Variants in VAV1 observed in about 807,000 individuals in gnomAD.
VAV1 encodes vav guanine nucleotide exchange factor 1, also known as proto-oncogene vav.
In VAV1, 33 loss-of-function variants were observed where a neutral mutation model predicts 128.1. The observed-to-expected ratio is 0.26, with a 90% CI of 0.20 to 0.34. The LOEUF is 0.34. Among genes scored for constraint, VAV1 ranks in the 10% least tolerant of loss-of-function variants. The probability of loss-of-function intolerance (pLI) is 1.00; values close to 1 mark genes in which losing one functional copy is unlikely to be tolerated. For missense variants in VAV1, 715 were observed against 1,093.7 expected (o/e 0.65, Z 4.88); for synonymous variants, 394 against 409.8 (o/e 0.96, Z 0.47).
intron 1 of VAV1, among the ~76,000 whole-genome samples, chr19:6,788,192 C>T (rs953553195): frequency 6.6e-6 from 1 of 151,936 alleles, no homozygotes; most frequent in Non-Finnish European, 1.5e-5. Context: ...CCTCAGCCTC[C>T]CAAAGCTCTT....
chr19:6,832,544 CTT>C (rs1972089785), intron 15 of VAV1, among the ~76,000 whole-genome samples: 3 of 128,624 alleles, frequency 2.3e-5, no homozygotes, highest in African/African-American at 1.0e-4. Flanking sequence ...CCTTCCTCTT[CTT>C]CTTCCTCCTC....
In VAV1 at chr19:6,825,414, C is replaced by A; in HGVS notation, c.827+8C>A. 1 of 1,607,642 alleles carries A rather than the reference C, an allele frequency of 6.2e-7. No individual in the cohort carries two copies. The highest frequency in any genetic ancestry group is 1.1e-5 in the South Asian group (1 of 90,694). On this transcript the variant is annotated splice_region_variant and intron_variant, in intron 8 of 26. Coordinates refer to ENST00000602142, the MANE Select transcript of VAV1 (RefSeq NM_005428.4). Reference sequence around the variant, plus strand: ...CATCAAATACAAGGAGAGGTGAGACCCAGCTGGCCAGACTGAAGCTCTGGG... The same window carrying A: ...CATCAAATACAAGGAGAGGTGAGACACAGCTGGCCAGACTGAAGCTCTGGG...
intron 1 of VAV1, among the ~76,000 whole-genome samples, chr19:6,802,416 C>T (rs1334467235): frequency 6.6e-6 from 1 of 152,108 alleles, no homozygotes; most frequent in Non-Finnish European, 1.5e-5. Context: ...ACCAGGAAGT[C>T]CTTTCTGGTG....
intron 26 of VAV1, among the ~76,000 whole-genome samples, chr19:6,854,345 T>C (rs1599687170): frequency 6.6e-6 from 1 of 152,290 alleles, no homozygotes; most frequent in South Asian, 2.1e-4. Context: ...GGTACAAGGA[T>C]TGCCCTCATG....
intron 1 of VAV1, among the ~76,000 whole-genome samples, chr19:6,818,562 GT>G (rs1971712821): frequency 6.6e-6 from 1 of 152,092 alleles, no homozygotes; most frequent in Non-Finnish European, 1.5e-5. Context: ...GTTGAACTGT[GT>G]CCCCCCAAAA....
intron 1 of VAV1, among the ~76,000 whole-genome samples, chr19:6,798,646 CTGTTTCTCCCCTT>C (rs1378887754): frequency 1.3e-5 from 2 of 150,784 alleles, no homozygotes; most frequent in African/African-American, 5.0e-5. Context: ...GAGTGAGACC[CTGTTTCTCCCCTT>C]CCCCCCCCCA....
chr19:6,791,249 C>G (rs58826700), intron 1 of VAV1, among the ~76,000 whole-genome samples: 1 of 151,876 alleles, frequency 6.6e-6, no homozygotes, highest in Non-Finnish European at 1.5e-5. Flanking sequence ...CTCCTCATCT[C>G]GAGGTCCTCA....
Position 6,828,427 on chromosome 19 carries a change from G to T in VAV1, c.1032G>T (p.Val344=). 1 of 1,614,188 alleles carries T rather than the reference G, an allele frequency of 6.2e-7. No individual in the cohort carries two copies. Among genetic ancestry groups the T allele is most frequent in the Non-Finnish European group, 8.5e-7 (1 of 1,180,034 alleles). The part of the protein sequence containing the change: ...LKYHLLLQEL[V]KHTQEAMEKE... ...CGTCTTGGTTCTCTCAGGAGCTGGTGAAACACACGCAGGAGGCGATGGAGA... is the reference window on the plus strand; with the variant it reads ...CGTCTTGGTTCTCTCAGGAGCTGGTTAAACACACGCAGGAGGCGATGGAGA... The change falls in exon 11 of 27, where the codon GTG becomes GTT. Residue 344 remains valine, a synonymous_variant. Transcript: ENST00000602142. This position sits in a 1 kb window ranked among gnomAD's most constrained non-coding sequence, Gnocchi z 4.5.
chr19:6,798,046 G>T (rs954544800), intron 1 of VAV1, among the ~76,000 whole-genome samples: 8 of 152,146 alleles, frequency 5.3e-5, no homozygotes, highest in African/African-American at 1.9e-4. Flanking sequence ...GGAGGCCGAG[G>T]TGGGCAAATC....
Position 6,833,935 on chromosome 19 carries a change from A to C in VAV1, c.1759A>C (p.Lys587Gln). 6 of 1,614,052 alleles carry C rather than the reference A, an allele frequency of 3.7e-6. No individual in the cohort carries two copies. The highest frequency in any genetic ancestry group is 5.1e-6 in the Non-Finnish European group (6 of 1,180,002). ...CAAACTACATCGCAGGGCTCAGGAC[A>C]AAAAGAGGAATGAGCTGGGTGAGTT... Reference protein sequence around the residue: ...KDKLHRRAQDKKRNELGLPKM... With the variant: ...KDKLHRRAQDQKRNELGLPKM... The change falls in exon 19 of 27, where the codon AAA becomes CAA. Residue 587 changes from lysine (K) to glutamine (Q), a missense_variant. Around this residue, in one of 3 missense-constraint regions of VAV1, gnomAD observed 407 missense variants for 580.6 expected, o/e 0.70. Coordinates refer to ENST00000602142, the MANE Select transcript of VAV1 (RefSeq NM_005428.4).
rs1971974950 is a variant in VAV1, at chr19:6,828,561, G to A, written c.1093-61G>A. The stretch of plus-strand genomic sequence containing the variant: ...TGGTAGGGGCTGATCCTCTAGCCGG[G>A]ATTAGGTAGGAGCCTGGGTCGGCTG... On this transcript the variant is annotated intron_variant, in intron 11 of 26. Transcript: ENST00000602142. The surrounding 1 kb of genome is among the most constrained non-coding windows in gnomAD (Gnocchi z 4.5). The A allele has an allele frequency of 2.5e-6, 4 of 1,613,730 alleles. No individual in the cohort carries two copies. The highest frequency in any genetic ancestry group is 3.4e-6 in the Non-Finnish European group (4 of 1,179,668).
rs1970941854 is a variant in VAV1, at chr19:6,788,354, TTA to T, written c.204+15345_204+15346del. ...GTTGAACATGATTCTTTTTATTTTA[TTA>T]TTATTATTATTATTATTATTATTAT... On this transcript the variant is annotated intron_variant, in intron 1 of 26. Transcript: ENST00000602142. Among the ~76,000 whole-genome samples, 19 of 3,412 alleles carry T rather than the reference TTA, an allele frequency of 5.6e-3. No homozygotes were observed. In the East Asian group the frequency reaches 0.3, roughly 54 times the overall value. The allele number at this position is 3,412 out of a possible 152,430, so 2.2% of individuals were successfully genotyped here.
Position 6,822,484 on chromosome 19 carries a change from G to A in VAV1, c.624G>A (p.Lys208=), listed in dbSNP as rs748566978. ...GGGAGATCCAGCAGACGGAGGAGAA[G>A]TACACTGACACGCTGGGCTCCATCC... ...CLREIQQTEE[K]YTDTLGSIQQ... is the part of the protein sequence containing the mutation. The change falls in exon 6 of 27, where the codon AAG becomes AAA. Residue 208 remains lysine, a synonymous_variant. Transcript: ENST00000602142. The surrounding 1 kb of genome is among the most constrained non-coding windows in gnomAD (Gnocchi z 5.9). 37 of 1,556,356 alleles carry A rather than the reference G, an allele frequency of 2.4e-5. No homozygotes were observed. In the Middle Eastern group the frequency reaches 5.6e-4, roughly 24 times the overall value.
intron 1 of VAV1, among the ~76,000 whole-genome samples, chr19:6,815,526 T>A (rs415218): frequency 0.025 from 3,875 of 152,286 alleles, 74 homozygotes; most frequent in Non-Finnish European, 0.041. Flanking sequence ...AGAGTTAAAG[T>A]TCATGTTCCA....
At chr19:6,852,462 CT>C (rs1163244253) in intron 24 of VAV1, among the ~76,000 whole-genome samples, 1 of 152,232 alleles carries the variant, frequency 6.6e-6, no homozygotes, top group East Asian at 1.9e-4. Flanking sequence ...TGGCTCACGC[CT>C]GTAATCCCAG....
intron 1 of VAV1, among the ~76,000 whole-genome samples, chr19:6,798,781 G>A (rs1425997432): frequency 6.6e-6 from 1 of 152,136 alleles, no homozygotes; most frequent in Non-Finnish European, 1.5e-5. Flanking sequence ...GAGTAGCTGG[G>A]ATTACAGGTG....
intron 1 of VAV1, among the ~76,000 whole-genome samples, chr19:6,819,549 T>C (rs1971738437): frequency 6.6e-6 from 1 of 152,230 alleles, no homozygotes; most frequent in South Asian, 2.1e-4. Context: ...TTTTGCTCCT[T>C]TTTTATGGCT....
chr19:6,847,957 A>T (rs762902858), intron 22 of VAV1, 41 bp from the exon 23 acceptor site: 120 of 1,443,336 alleles, frequency 8.3e-5, no homozygotes, highest in Non-Finnish European at 1.0e-4. Flanking sequence ...GGACCCAGGC[A>T]CGGGGACCGT....
At chr19:6,841,850 C>T (rs1433576951) in intron 21 of VAV1, among the ~76,000 whole-genome samples, 1 of 152,156 alleles carries the variant, frequency 6.6e-6, no homozygotes, top group Non-Finnish European at 1.5e-5. Context: ...CACATCCTTG[C>T]CAACATTTGC....
Sources: allele counts gnomAD v4.1 joint callset (sites outside exome capture counted in the v4.1 genomes callset), GRCh38; gene constraint gnomAD v4.1.1; regional missense constraint gnomAD v4.1.1; non-coding constraint Gnocchi (gnomAD v3.1); transcripts MANE v1.5; gene names NCBI Gene and HGNC (gene_info 2026-07-23, HGNC 2026-07-21).